The following POU6F2 variants were observed in gnomAD, a reference collection of about 807,000 sequenced individuals.
POU6F2 encodes the protein POU class 6 homeobox 2.
A neutral mutation model predicts 71.3 loss-of-function variants in POU6F2; 31 were observed. That is an observed-to-expected ratio of 0.43 (90% CI 0.33 to 0.59). POU6F2 has a LOEUF of 0.59. Ranked by LOEUF, POU6F2 falls within the 20% of genes least tolerant of loss-of-function variation. POU6F2 has a pLI of 0.04. For synonymous variants in POU6F2, 347 were observed against 355.7 expected, an observed-to-expected ratio of 0.98 and a Z score of 0.27; for missense variants, 783 against 856.8, an observed-to-expected ratio of 0.91 and a Z score of 1.07.
At chr7:39,003,213 T>A (rs1306273214) in intron 1 of POU6F2, among the ~76,000 whole-genome samples, 3 of 152,204 alleles carry the variant, frequency 2.0e-5, no homozygotes, top group Non-Finnish European at 4.4e-5. Flanking sequence ...AAAATGTTAA[T>A]CTCTTGTAGG....
intron 1 of POU6F2, among the ~76,000 whole-genome samples, chr7:38,987,928 C>T (rs770940921): frequency 6.6e-6 from 1 of 152,102 alleles, no homozygotes; most frequent in Non-Finnish European, 1.5e-5. Flanking sequence ...CTTTTTCCCT[C>T]TTGTTTCTTC....
chr7:39,410,734 G>T (rs1787534336), intron 6 of POU6F2, among the ~76,000 whole-genome samples: 1 of 152,160 alleles, frequency 6.6e-6, no homozygotes. Context: ...GAGTACACAG[G>T]TATTCTCAGT....
intron 2 of POU6F2, among the ~76,000 whole-genome samples, chr7:39,090,621 G>T (rs1245894592): frequency 6.6e-6 from 1 of 152,254 alleles, no homozygotes; most frequent in East Asian, 1.9e-4. Context: ...ACCCAAGAGG[G>T]ATTTAGCTTG....
intron 4 of POU6F2, among the ~76,000 whole-genome samples, chr7:39,318,750 G>A (rs35579113): frequency 0.32 from 48,972 of 151,954 alleles, 8,039 homozygotes; most frequent in Middle Eastern, 0.38. Context: ...CCCAAATGAC[G>A]ACTCAAGGAA....
intron 2 of POU6F2, among the ~76,000 whole-genome samples, chr7:39,178,516 C>A (rs920995479): frequency 2.6e-5 from 4 of 152,066 alleles, no homozygotes; most frequent in African/African-American, 4.8e-5. Flanking sequence ...ACTACCCATG[C>A]AGAAACTCTC....
intron 8 of POU6F2, among the ~76,000 whole-genome samples, chr7:39,455,733 C>A (rs981651567): frequency 2.0e-4 from 30 of 151,146 alleles, no homozygotes; most frequent in Admixed American, 3.9e-4. Context: ...AAAAAACAAA[C>A]AAACAGCAAA....
At chr7:39,431,098 G>A (rs1788088495) in intron 6 of POU6F2, among the ~76,000 whole-genome samples, 1 of 152,156 alleles carries the variant, frequency 6.6e-6, no homozygotes, top group Non-Finnish European at 1.5e-5. Flanking sequence ...TGCCCACACT[G>A]ATGGGACGTG....
At chr7:39,358,513 C>G (rs969758363) in intron 5 of POU6F2, among the ~76,000 whole-genome samples, 1 of 152,178 alleles carries the variant, frequency 6.6e-6, no homozygotes, top group Admixed American at 6.5e-5. Context: ...CCAGTAACTG[C>G]AAAATCAGAA....
At chr7:39,217,614 A>G (rs112362532) in intron 4 of POU6F2, among the ~76,000 whole-genome samples, 3,265 of 152,322 alleles carry the variant, frequency 0.021, 54 homozygotes, top group Middle Eastern at 0.051. Context: ...CACAAAGCTC[A>G]ATATTGAAAA....
At chr7:39,107,039 C>CTTTTTTTTTTTTTTT (rs70977458) in intron 2 of POU6F2, among the ~76,000 whole-genome samples, 9 of 130,908 alleles carry the variant, frequency 6.9e-5, no homozygotes, top group Non-Finnish European at 1.3e-4. Context: ...TTCTTTCTTT[C>CTTTTTTTTTTTTTTT]TTTTTTTTTT....
intron 5 of POU6F2, chr7:39,373,551 G>T: frequency 2.2e-6 from 1 of 456,654 alleles, no homozygotes; most frequent in Non-Finnish European, 4.4e-6. Flanking sequence ...CTTCAGAAAT[G>T]ATTCAGAACC....
intron 5 of POU6F2, among the ~76,000 whole-genome samples, chr7:39,356,840 CCTT>C (rs1397446875): frequency 1.3e-5 from 2 of 152,188 alleles, no homozygotes; most frequent in African/African-American, 2.4e-5. Context: ...TCAACCCCAT[CCTT>C]CTCTGCATTA....
chr7:39,165,603 A>G (rs931033715), intron 2 of POU6F2, among the ~76,000 whole-genome samples: 4 of 152,198 alleles, frequency 2.6e-5, no homozygotes, highest in Non-Finnish European at 4.4e-5. Context: ...ATATGTTTCG[A>G]TAAATTAAAA....
intron 7 of POU6F2, among the ~76,000 whole-genome samples, chr7:39,448,107 A>C (rs772550959): frequency 2.0e-4 from 31 of 152,218 alleles, no homozygotes; most frequent in Non-Finnish European, 3.7e-4. Flanking sequence ...ATGTAGTGCT[A>C]TATTTCATAG....
intron 4 of POU6F2, among the ~76,000 whole-genome samples, chr7:39,323,261 G>A (rs189235147): frequency 6.6e-6 from 1 of 152,192 alleles, no homozygotes. Flanking sequence ...GTTCATTCTG[G>A]CTGCCATGGA....
intron 4 of POU6F2, among the ~76,000 whole-genome samples, chr7:39,330,373 C>A (rs1385273111): frequency 6.6e-6 from 1 of 152,192 alleles, no homozygotes; most frequent in Non-Finnish European, 1.5e-5. Context: ...TCTCTTTACT[C>A]TCCACGTAGT....
intron 5 of POU6F2, among the ~76,000 whole-genome samples, chr7:39,376,067 T>G (rs1786704733): frequency 6.6e-6 from 1 of 152,198 alleles, no homozygotes; most frequent in Admixed American, 6.5e-5. Context: ...CACTAACCTT[T>G]TTTTATTTGA....
intron 4 of POU6F2, among the ~76,000 whole-genome samples, chr7:39,227,722 T>C (rs1794496791): frequency 6.6e-6 from 1 of 151,932 alleles, no homozygotes; most frequent in Non-Finnish European, 1.5e-5. Context: ...GCTTGGCTAA[T>C]TTTGTTTTGT....
rs558815269 is a variant in POU6F2 at position 39,041,157 on chromosome 7, G to A, written c.106-44703G>A. ...CTTTTCACTTAGTAATGTACCACAG[G>A]CCTTGTTCCAAGTCAGTACATATAG... is the stretch of plus-strand genomic sequence containing the variant. On this transcript the variant is annotated intron_variant, in intron 1 of 9. Transcript: ENST00000518318. Among the ~76,000 whole-genome samples the A allele has an allele frequency of 1.7e-4, 26 of 151,994 alleles. 1 individual carries two copies. Among genetic ancestry groups the A allele is most frequent in the Middle Eastern group, 3.4e-3 (1 of 294 alleles).
Sources: allele counts gnomAD v4.1 joint callset (sites outside exome capture counted in the v4.1 genomes callset), GRCh38; gene constraint gnomAD v4.1.1; transcripts MANE v1.5; gene names NCBI Gene and HGNC (gene_info 2026-07-23, HGNC 2026-07-21).